The following FBRS variants were observed in gnomAD, a reference collection of about 807,000 sequenced individuals.
FBRS encodes probable fibrosin-1.
A neutral mutation model predicts 86.1 loss-of-function variants in FBRS; 15 were observed. The observed-to-expected ratio is 0.17, with a 90% confidence interval of 0.12 to 0.27. The LOEUF is 0.27. Ranked by LOEUF, FBRS falls within the 10% of genes least tolerant of loss-of-function variation. The pLI, the probability that FBRS is intolerant of heterozygous loss-of-function variation, is 1.00. For missense variants in FBRS, 1,367 were observed against 1,301.6 expected (o/e 1.05, Z -0.77); for synonymous variants, 666 against 575.8 (o/e 1.16, Z -2.24).
At chr16:30,661,397 G>A (rs1401073084) in intron 4 of FBRS, 64 bp downstream of exon 4, 1 of 1,550,366 alleles carries the variant, frequency 6.5e-7, no homozygotes, top group Non-Finnish European at 8.7e-7. Context: ...CAGCATAAAG[G>A]TCTTCTGCGT....
In FBRS at chr16:30,665,679, G is replaced by C; in HGVS notation, c.1746G>C (p.Pro582=). The change falls in exon 11 of 18, where the codon CCG becomes CCC. Residue 582 remains proline (P), a synonymous_variant. Coordinates refer to ENST00000356166, the MANE Select transcript of FBRS (RefSeq NM_001105079.3). The surrounding 1 kb of genome is among the most constrained non-coding windows in gnomAD (Gnocchi z 4.1). The part of the protein sequence containing the change: ...PELPPRLGPV[P]SGLSQKGTQI... ...TGCCACCACGACTGGGGCCGGTGCC[G>C]AGCGGGCTCTCCCAGAAGGGGACAC... 6.3e-7 allele frequency: 1 copy of C among 1,590,016 alleles called. No homozygotes were observed. The highest frequency in any genetic ancestry group is 8.6e-7 in the Non-Finnish European group (1 of 1,168,538).
chr16:30,661,299 C>T lies in FBRS; in HGVS notation c.676-5C>T, dbSNP rs766184694. ...CGTGACACCTCTGTCTTTCCTTCTC[C>T]CCAGTGTGACGCGGAAAGTGATCTG... On this transcript the variant is annotated splice_region_variant and splice_polypyrimidine_tract_variant and intron_variant, in intron 3 of 17. Coordinates refer to ENST00000356166, the MANE Select transcript of FBRS (RefSeq NM_001105079.3). 42 of 1,550,714 alleles carry T rather than the reference C, an allele frequency of 2.7e-5. No homozygotes were observed. The highest frequency in any genetic ancestry group is 3.4e-5 in the Non-Finnish European group (39 of 1,147,056).
intron 2 of FBRS, among the ~76,000 whole-genome samples, chr16:30,660,764 C>T (rs1266365854): frequency 6.6e-6 from 1 of 152,154 alleles, no homozygotes; most frequent in Non-Finnish European, 1.5e-5. Context: ...AAGAAATAGC[C>T]AGCAAGCAAA....
Position 30,659,899 on chromosome 16 carries a change from T to TGAGGAG in FBRS, c.387_392dup (p.Glu134_Glu135dup). The TGAGGAG allele has an allele frequency of 1.9e-6, 3 of 1,550,028 alleles. No homozygotes were observed. The highest frequency in any genetic ancestry group is 2.6e-6 in the Non-Finnish European group (3 of 1,147,404). On this transcript the variant is annotated inframe_insertion, in exon 1 of 18. Transcript: ENST00000356166. ...ACGACGGCGAAGCCGAGGAGGAGCC[T>TGAGGAG]GAGGAGGAGGAAGAGGAGGAGGAGG... is the stretch of plus-strand genomic sequence containing the variant.
At position 30,658,925 on chromosome 16, in the gene FBRS, A is replaced by G. The variant is rs1596610796; in HGVS notation, c.-594A>G. 4 of 152,322 alleles carry G rather than the reference A, an allele frequency of 2.6e-5. No homozygotes were observed. In the East Asian group the frequency reaches 7.7e-4, roughly 29 times the overall value. The allele number at this position is 152,322 out of a possible 1,614,324, so 9.4% of individuals were successfully genotyped here. On this transcript the variant is annotated 5_prime_UTR_variant, in exon 1 of 18. Transcript: ENST00000356166. Reference sequence around the variant, plus strand: ...TTTACGTCCTCCTCCCCCACACACAAGAAGTCTTTTAAATTCAACTTAAAG... The same window carrying G: ...TTTACGTCCTCCTCCCCCACACACAGGAAGTCTTTTAAATTCAACTTAAAG...
chr16:30,662,346 A>G, intron 4 of FBRS, 74 bp from the exon 5 acceptor site: 1 of 1,546,700 alleles, frequency 6.5e-7, no homozygotes. Flanking sequence ...CAGCCTCCAG[A>G]GGCTATTTGG....
chr16:30,664,394 T>TGCG lies in FBRS; in HGVS notation c.1238_1240dup (p.Arg413dup). On this transcript the variant is annotated inframe_insertion, in exon 7 of 18. Coordinates refer to ENST00000356166, the MANE Select transcript of FBRS (RefSeq NM_001105079.3). The stretch of plus-strand genomic sequence containing the variant: ...ACCCACAGCTTTCCCCCTCCCGGGC[T>TGCG]GCGGCCCCCCCCACCACCCCACCAC... 2 of 1,424,264 alleles carry TGCG rather than the reference T, an allele frequency of 1.4e-6. No individual in the cohort carries two copies. Among genetic ancestry groups the TGCG allele is most frequent in the Non-Finnish European group, 1.9e-6 (2 of 1,064,058 alleles). 88.2% of individuals were successfully genotyped at this position (1,424,264 alleles called of 1,614,324 possible). A position where few individuals can be genotyped will look rare whatever the true frequency, so the allele number is the denominator to read the frequency against.
At position 30,662,670 on chromosome 16, in the gene FBRS, T is replaced by C; in HGVS notation, c.866T>C (p.Leu289Pro). The C allele has an allele frequency of 6.5e-7, 1 of 1,549,358 alleles. No homozygotes were observed. The highest frequency in any genetic ancestry group is 8.7e-7 in the Non-Finnish European group (1 of 1,146,272). ...GAACAGCCCCCGGGGCCCGACCCGC[T>C]GCTAGTGCCTTTCCCCCCAAAGGAA... ...SQEQPPGPDPLLVPFPPKEPP... is the reference protein window; with the variant it reads ...SQEQPPGPDPPLVPFPPKEPP... The change falls in exon 6 of 18, where the codon CTG (leucine) becomes CCG (proline). Residue 289 changes from leucine to proline, a missense_variant. By Grantham distance (98) the Leu-to-Pro change is moderately conservative. Coordinates refer to ENST00000356166, the MANE Select transcript of FBRS (RefSeq NM_001105079.3).
chr16:30,669,656 G>GC lies in FBRS; in HGVS notation c.*11_*12insC, dbSNP rs752075397. 21 of 1,579,980 alleles carry GC rather than the reference G, an allele frequency of 1.3e-5. No individual in the cohort carries two copies. In the African/African-American group the frequency reaches 2.6e-4, roughly 19 times the overall value. ...CGGGCTGACAGGTGAGGGGAACGGGGGGGGGTCGGGGCAAAGCTCCATCTC... is the reference window on the plus strand; with the variant it reads ...CGGGCTGACAGGTGAGGGGAACGGGGCGGGGGTCGGGGCAAAGCTCCATCTC... On this transcript the variant is annotated 3_prime_UTR_variant, in exon 18 of 18. Coordinates refer to ENST00000356166, the MANE Select transcript of FBRS (RefSeq NM_001105079.3). This position sits in a 1 kb window ranked among gnomAD's most constrained non-coding sequence, Gnocchi z 5.9.
intron 6 of FBRS, 187 bp downstream of exon 6, chr16:30,663,046 ATCCAGGC>A: frequency 2.7e-6 from 3 of 1,120,438 alleles, no homozygotes; most frequent in Non-Finnish European, 3.4e-6. Context: ...ATGCAGGGGA[ATCCAGGC>A]TGTGCTGTTT....
chr16:30,668,704 T>C, intron 16 of FBRS, 61 bp downstream of exon 16: 1 of 1,585,352 alleles, frequency 6.3e-7, no homozygotes, highest in African/African-American at 1.3e-5. Flanking sequence ...TCAGACGGTC[T>C]GGGAGGAGGC....
In FBRS at chr16:30,662,651, C is replaced by T; in HGVS notation, c.847C>T (p.Pro283Ser). The T allele has an allele frequency of 1.9e-6, 3 of 1,546,428 alleles. No homozygotes were observed. Among genetic ancestry groups the T allele is most frequent in the East Asian group, 2.5e-5 (1 of 40,800 alleles). Residue 283 changes from proline (P) to serine (S), a missense_variant, in exon 6 of 18, where the codon CCC becomes TCC. Around this residue, in one of 3 missense-constraint regions of FBRS, gnomAD observed 702 missense variants for 598.7 expected, o/e 1.17. Coordinates refer to ENST00000356166, the MANE Select transcript of FBRS (RefSeq NM_001105079.3). ...GGGCCTGGAGCGGAGCCAAGAACAG[C>T]CCCCGGGGCCCGACCCGCTGCTAGT... ...VSGLERSQEQPPGPDPLLVPF... is the reference protein window; with the variant it reads ...VSGLERSQEQSPGPDPLLVPF...
At position 30,662,688 on chromosome 16, in the gene FBRS, C is replaced by T; in HGVS notation, c.884C>T (p.Pro295Leu). ...GACCCGCTGCTAGTGCCTTTCCCCC[C>T]AAAGGAACCACCGCCTCCACCGGTC... ...GPDPLLVPFP[P>L]KEPPPPPVPR... The change falls in exon 6 of 18, where the codon CCA becomes CTA. Residue 295 changes from proline (P) to leucine (L), a missense_variant. By Grantham distance (98) the Pro-to-Leu change is moderately conservative. This residue lies in a region of FBRS where 702 missense variants were observed against 598.7 expected (regional missense o/e 1.17). Transcript: ENST00000356166. 12 of 1,549,352 alleles carry T rather than the reference C, an allele frequency of 7.7e-6. No individual in the cohort carries two copies. The highest frequency in any genetic ancestry group is 9.6e-6 in the Non-Finnish European group (11 of 1,146,240).
chr16:30,668,766 G>T lies in FBRS; in HGVS notation c.2159-6G>T, dbSNP rs765927124. On this transcript the variant is annotated splice_region_variant and splice_polypyrimidine_tract_variant and intron_variant, in intron 16 of 17. Transcript: ENST00000356166. ...CCTGTCACTCTCTGCTTCACCCTCT[G>T]CCCAGACTCCGGCGCCGTCTTTGCC... The T allele has an allele frequency of 1.9e-6, 3 of 1,599,954 alleles. No individual in the cohort carries two copies. The highest frequency in any genetic ancestry group is 2.5e-6 in the Non-Finnish European group (3 of 1,177,300).
chr16:30,662,499 G>T (rs752322488), intron 5 of FBRS, 31 bp downstream of exon 5: 1 of 1,550,484 alleles, frequency 6.4e-7, no homozygotes, highest in Non-Finnish European at 8.7e-7. Context: ...CTGGAGGCAC[G>T]GGAGGGCAGT....
Position 30,669,780 on chromosome 16 carries a change from G to T in FBRS, c.*135G>T. 1 of 1,171,650 alleles carries T rather than the reference G, an allele frequency of 8.5e-7. No homozygotes were observed. Among genetic ancestry groups the T allele is most frequent in the Non-Finnish European group, 1.2e-6 (1 of 858,384 alleles). The allele number at this position is 1,171,650 out of a possible 1,614,324, so 72.6% of individuals were successfully genotyped here. ...CCACCTCTGAGGTCATGGAACCTGGGAACAGAAGCCTCAACCCCCACAAGA... is the reference window on the plus strand; with the variant it reads ...CCACCTCTGAGGTCATGGAACCTGGTAACAGAAGCCTCAACCCCCACAAGA... On this transcript the variant is annotated 3_prime_UTR_variant, in exon 18 of 18. Coordinates refer to ENST00000356166, the MANE Select transcript of FBRS (RefSeq NM_001105079.3). The surrounding 1 kb of genome is among the most constrained non-coding windows in gnomAD (Gnocchi z 5.9).
chr16:30,669,597 G>C lies in FBRS; in HGVS notation c.2895G>C (p.Arg965=). ...GAPPPLVPAP[R]PSSPPRGPGP... Reference sequence around the variant, plus strand: ...CACCTCCGCTTGTGCCCGCCCCCCGGCCCAGTTCCCCACCTAGGGGCCCTG... The same window carrying C: ...CACCTCCGCTTGTGCCCGCCCCCCGCCCCAGTTCCCCACCTAGGGGCCCTG... Residue 965 remains arginine, a synonymous_variant, in exon 18 of 18, where the codon CGG becomes CGC. Coordinates refer to ENST00000356166, the MANE Select transcript of FBRS (RefSeq NM_001105079.3). This position sits in a 1 kb window ranked among gnomAD's most constrained non-coding sequence, Gnocchi z 5.9. The C allele has an allele frequency of 1.9e-6, 3 of 1,610,202 alleles. 1 individual carries two copies. In the South Asian group the frequency reaches 3.3e-5, roughly 18 times the overall value.
Position 30,669,377 on chromosome 16 carries a change from C to A in FBRS, c.2675C>A (p.Ala892Glu), listed in dbSNP as rs1015756092. The A allele has an allele frequency of 6.2e-7, 1 of 1,612,786 alleles. No homozygotes were observed. Among genetic ancestry groups the A allele is most frequent in the Admixed American group, 1.7e-5 (1 of 60,008 alleles). The stretch of plus-strand genomic sequence containing the variant: ...TGGTTGGCAGCACCCCCACGCCTGG[C>A]AAGGCCACCCCGCTTCTATGAGGCG... ...PTWLAAPPRL[A>E]RPPRFYEAGE... Residue 892 changes from alanine to glutamate, a missense_variant, in exon 18 of 18, where the codon GCA (alanine) becomes GAA (glutamate). By Grantham distance (107) the Ala-to-Glu change is moderately radical (BLOSUM62 -1). Transcript: ENST00000356166. The surrounding 1 kb of genome is among the most constrained non-coding windows in gnomAD (Gnocchi z 5.9).
At position 30,669,050 on chromosome 16, in the gene FBRS, C is replaced by G. The variant is rs1419000005; in HGVS notation, c.2367-19C>G. On this transcript the variant is annotated intron_variant, in intron 17 of 17. Transcript: ENST00000356166. The surrounding 1 kb of genome is among the most constrained non-coding windows in gnomAD (Gnocchi z 5.9). ...CTGCCCCTGGAGAACTTCATTCTCT[C>G]CCCACGCCTGCCCTCCAGGGACCTC... 1 of 1,432,496 alleles carries G rather than the reference C, an allele frequency of 7.0e-7. No individual in the cohort carries two copies. Among genetic ancestry groups the G allele is most frequent in the African/African-American group, 1.4e-5 (1 of 69,080 alleles). 88.7% of individuals were successfully genotyped at this position (1,432,496 alleles called of 1,614,324 possible).
Sources: gnomAD v4.1 joint callset for allele counts (sites outside exome capture counted in the v4.1 genomes callset) on GRCh38, gnomAD v4.1.1 for gene constraint, gnomAD v4.1.1 regional missense constraint, Gnocchi (gnomAD v3.1) non-coding constraint, MANE v1.5 for transcripts, NCBI Gene and HGNC (gene_info 2026-07-23, HGNC 2026-07-21) for gene names.